SORBS2: variants seen among roughly 807,000 people sequenced by gnomAD.
The protein encoded by SORBS2 is sorbin and SH3 domain-containing protein 2.
A neutral mutation model predicts 97.7 loss-of-function variants in SORBS2; 46 were observed. That is an observed-to-expected ratio of 0.47 (90% CI 0.37 to 0.60). The LOEUF (loss-of-function observed/expected upper bound fraction) is 0.60, where lower values mean the gene tolerates loss of function less well. Among genes scored for constraint, SORBS2 ranks in the 20% least tolerant of loss-of-function variants. The pLI is 0.00. For synonymous variants in SORBS2, 476 were observed against 473.4 expected, an observed-to-expected ratio of 1.01 and a Z score of -0.07; for missense variants, 1,316 against 1,282.3, an observed-to-expected ratio of 1.03 and a Z score of -0.40.
At chr4:185,622,766 T>C in intron 7 of SORBS2, 148 bp downstream of exon 19, 1 of 686,290 alleles carries the variant, frequency 1.5e-6, no homozygotes, top group Non-Finnish European at 2.4e-6. Context: ...CAGTAAGACA[T>C]ATTTGCACAA....
rs1408087425 is a variant in SORBS2 at position 185,767,428 on chromosome 4, A to G, written c.-198+7799T>C. Among the ~76,000 whole-genome samples, 6 of 129,004 alleles carry G rather than the reference A, an allele frequency of 4.7e-5. 1 individual carries two copies. Among genetic ancestry groups the G allele is most frequent in the Non-Finnish European group, 7.9e-5 (5 of 63,258 alleles). 84.6% of individuals were successfully genotyped at this position (129,004 alleles called of 152,430 possible). ...GGCAGGGGAATGGCGTGAACCCGGG[A>G]GGCGGAGCTTGCAGTGAGCCGAGAT... On this transcript the variant is annotated intron_variant, in intron 2 of 20. Transcript: ENST00000284776.
intron 1 of SORBS2, chr4:185,656,592 C>G (rs1561718222): frequency 1.3e-6 from 2 of 1,510,950 alleles, no homozygotes; most frequent in East Asian, 2.5e-5. Context: ...TGCAGTCCCT[C>G]CCCGCATGGC....
chr4:185,832,422 T>C (rs752471707), intron 1 of SORBS2, among the ~76,000 whole-genome samples: 32 of 152,206 alleles, frequency 2.1e-4, no homozygotes, highest in Non-Finnish European at 1.5e-4. Context: ...ACTTTACTTC[T>C]ATCTATCTTG....
intron 1 of SORBS2, among the ~76,000 whole-genome samples, chr4:185,847,960 G>A (rs974812135): frequency 3.3e-5 from 5 of 152,264 alleles, no homozygotes; most frequent in Admixed American, 1.3e-4. Flanking sequence ...ATGCCGAGTC[G>A]CAGGGCTGAC....
intron 1 of SORBS2, among the ~76,000 whole-genome samples, chr4:185,803,191 A>C (rs1309373316): frequency 6.6e-6 from 1 of 152,186 alleles, no homozygotes; most frequent in Admixed American, 6.5e-5. Flanking sequence ...TAAAGGCAGA[A>C]TGCAATACCA....
chr4:185,765,884 T>G (rs1272731632), intron 2 of SORBS2, among the ~76,000 whole-genome samples: 1 of 152,244 alleles, frequency 6.6e-6, no homozygotes, highest in South Asian at 2.1e-4. Context: ...CAGTCTTCTA[T>G]TATATCAATA....
At chr4:185,730,013 A>C (rs879276974) in intron 2 of SORBS2, among the ~76,000 whole-genome samples, 14 of 151,796 alleles carry the variant, frequency 9.2e-5, no homozygotes, top group Admixed American at 2.6e-4. Context: ...AGTGCAGTAG[A>C]GCCATCTCGG....
chr4:185,840,504 T>C (rs1435696642), intron 1 of SORBS2, among the ~76,000 whole-genome samples: 1 of 152,164 alleles, frequency 6.6e-6, no homozygotes, highest in African/African-American at 2.4e-5. Flanking sequence ...AATATCTGAG[T>C]GGTTCAAAAC....
chr4:185,591,410 C>A (rs2095930895), intron 13 of SORBS2, among the ~76,000 whole-genome samples: 1 of 152,080 alleles, frequency 6.6e-6, no homozygotes, highest in Non-Finnish European at 1.5e-5. Context: ...AGCTAGCATC[C>A]CAGAGTAGTG....
At chr4:185,625,102 C>T (rs2096788596) in intron 6 of SORBS2, among the ~76,000 whole-genome samples, 1 of 152,184 alleles carries the variant, frequency 6.6e-6, no homozygotes, top group African/African-American at 2.4e-5. Flanking sequence ...TTGCTGCTAA[C>T]ATTTTTCTAG....
chr4:185,952,696 C>A (rs768334762), intron 1 of SORBS2, among the ~76,000 whole-genome samples: 1 of 152,128 alleles, frequency 6.6e-6, no homozygotes, highest in African/African-American at 2.4e-5. Flanking sequence ...ATGCCGACAG[C>A]GTTAATTTTG....
At chr4:185,785,052 T>C (rs1417326725) in intron 1 of SORBS2, among the ~76,000 whole-genome samples, 1 of 152,078 alleles carries the variant, frequency 6.6e-6, no homozygotes, top group Non-Finnish European at 1.5e-5. Context: ...TTTATTCTGT[T>C]CTCGGTGGAC....
chr4:185,641,128 T>A (rs1015203119), intron 4 of SORBS2, among the ~76,000 whole-genome samples: 16 of 134,220 alleles, frequency 1.2e-4, no homozygotes, highest in African/African-American at 4.1e-4. Flanking sequence ...TAGTAATGCA[T>A]CTCTATGATA....
At chr4:185,594,812 C>G (rs1186392383) in intron 12 of SORBS2, among the ~76,000 whole-genome samples, 2 of 152,126 alleles carry the variant, frequency 1.3e-5, no homozygotes, top group African/African-American at 4.8e-5. Context: ...GGGAGAAATG[C>G]AAACAAATCA....
upstream of SORBS2, chr4:185,657,066 A>G (rs1429510489): frequency 2.7e-5 from 11 of 404,580 alleles, no homozygotes; most frequent in Non-Finnish European, 3.6e-5. Context: ...AATGCAGCCA[A>G]AGAATTTCCA....
At chr4:185,596,748 T>C (rs1035471257) in intron 12 of SORBS2, among the ~76,000 whole-genome samples, 1 of 152,048 alleles carries the variant, frequency 6.6e-6, no homozygotes. Context: ...TTAGCCAGGA[T>C]GGTCTCGATC....
intron 1 of SORBS2, among the ~76,000 whole-genome samples, chr4:185,793,528 G>A (rs1314256847): frequency 1.3e-5 from 2 of 152,220 alleles, no homozygotes; most frequent in African/African-American, 4.8e-5. Flanking sequence ...CATGATCACG[G>A]AAAGTCAAAT....
At chr4:185,800,834 A>G (rs2099126822) in intron 1 of SORBS2, among the ~76,000 whole-genome samples, 1 of 152,226 alleles carries the variant, frequency 6.6e-6, no homozygotes, top group African/African-American at 2.4e-5. Context: ...GGCTGCTTTG[A>G]TACAGGCATG....
At chr4:185,857,909 TG>T (rs1316844160) in intron 1 of SORBS2, among the ~76,000 whole-genome samples, 2 of 152,196 alleles carry the variant, frequency 1.3e-5, no homozygotes, top group East Asian at 3.9e-4. Flanking sequence ...CAGCAGGACA[TG>T]GACCCTCATC....
Sources: allele counts gnomAD v4.1 joint callset (sites outside exome capture counted in the v4.1 genomes callset), GRCh38; gene constraint gnomAD v4.1.1; transcripts MANE v1.5; gene names NCBI Gene and HGNC (gene_info 2026-07-23, HGNC 2026-07-21).